DIAPH2: variants seen among roughly 807,000 people sequenced by gnomAD.
DIAPH2 encodes protein diaphanous homolog 2.
A neutral mutation model predicts 92.7 loss-of-function variants in DIAPH2; 35 were observed. The observed-to-expected ratio is 0.38, with a 90% CI of 0.29 to 0.50. The LOEUF is 0.50. Ranked by LOEUF, DIAPH2 falls within the 20% of genes least tolerant of loss-of-function variation. The probability of loss-of-function intolerance (pLI) is 0.94; values close to 1 mark genes in which losing one functional copy is unlikely to be tolerated. For missense variants in DIAPH2, 701 were observed against 819.5 expected, an observed-to-expected ratio of 0.86 and a Z score of 1.77; for synonymous variants, 301 against 280.4, an observed-to-expected ratio of 1.07 and a Z score of -0.73.
chrX:97,205,993 T>C (rs765748297), intron 22 of DIAPH2, among the ~76,000 whole-genome samples: 11 of 111,670 alleles, frequency 9.9e-5, no homozygotes, highest in Admixed American at 2.8e-4. Flanking sequence ...AATGAGATCA[T>C]GTCCTTTGCA....
chrX:96,824,841 C>G (rs1028366979), intron 4 of DIAPH2, among the ~76,000 whole-genome samples: 4 of 111,798 alleles, frequency 3.6e-5, no homozygotes, highest in African/African-American at 1.3e-4. Context: ...CTCTGCTTAG[C>G]TATATCTCTT....
chrX:96,975,114 A>C (rs2065952397), intron 17 of DIAPH2, among the ~76,000 whole-genome samples: 1 of 111,888 alleles, frequency 8.9e-6, no homozygotes, highest in South Asian at 3.7e-4. Flanking sequence ...AATGCATATA[A>C]ATGTCATTTT....
intron 26 of DIAPH2, among the ~76,000 whole-genome samples, chrX:97,514,527 G>A (rs1244637575): frequency 7.1e-5 from 8 of 112,210 alleles, no homozygotes; most frequent in African/African-American, 9.7e-5. Flanking sequence ...GTCATTCTCC[G>A]TCCAGCTTTG....
chrX:97,440,732 A>G (rs2070247973), intron 26 of DIAPH2, among the ~76,000 whole-genome samples: 1 of 111,182 alleles, frequency 9.0e-6, no homozygotes, highest in African/African-American at 3.3e-5. Context: ...ATAACATCAA[A>G]TATAGCAGAG....
chrX:97,328,509 T>A (rs1356789220), intron 23 of DIAPH2, among the ~76,000 whole-genome samples: 1 of 111,742 alleles, frequency 8.9e-6, no homozygotes, highest in Non-Finnish European at 1.9e-5. Flanking sequence ...CATTGCTTTC[T>A]CTGGACCTAG....
At chrX:97,097,503 A>T (rs2066877656) in intron 19 of DIAPH2, among the ~76,000 whole-genome samples, 1 of 112,039 alleles carries the variant, frequency 8.9e-6, no homozygotes, top group Admixed American at 9.5e-5. Flanking sequence ...TGGCGCCTTC[A>T]TTCTGAAAAT....
chrX:96,802,108 T>A (rs1180655108), intron 4 of DIAPH2, among the ~76,000 whole-genome samples: 4 of 112,294 alleles, frequency 3.6e-5, no homozygotes, highest in Non-Finnish European at 7.5e-5. Context: ...GAGTTTTACA[T>A]AAAATAAATC....
At chrX:97,210,790 A>G (rs747534968) in intron 22 of DIAPH2, among the ~76,000 whole-genome samples, 9 of 111,967 alleles carry the variant, frequency 8.0e-5, no homozygotes, top group Non-Finnish European at 1.7e-4. Context: ...GTTGCAATCT[A>G]GAGCTTCTGT....
intron 3 of DIAPH2, among the ~76,000 whole-genome samples, chrX:96,741,480 T>C (rs2147574341): frequency 9.6e-6 from 1 of 104,015 alleles, no homozygotes; most frequent in South Asian, 4.6e-4. Flanking sequence ...CTTAATTTTT[T>C]TTTTTTTTTT....
chrX:96,823,152 G>A (rs1361157697), intron 4 of DIAPH2, among the ~76,000 whole-genome samples: 1 of 111,549 alleles, frequency 9.0e-6, no homozygotes, highest in African/African-American at 3.2e-5. Flanking sequence ...TTGGTTTGTA[G>A]AATAGTACAA....
intron 26 of DIAPH2, among the ~76,000 whole-genome samples, chrX:97,462,036 C>T (rs886330597): frequency 1.6e-4 from 18 of 110,999 alleles, no homozygotes; most frequent in African/African-American, 5.9e-4. Flanking sequence ...TGTTTATGTG[C>T]GTAATGAAAA....
At chrX:96,723,359 T>C (rs1357338675) in intron 1 of DIAPH2, among the ~76,000 whole-genome samples, 1 of 112,042 alleles carries the variant, frequency 8.9e-6, no homozygotes, top group African/African-American at 3.2e-5. Context: ...AATCATGTCT[T>C]CTGTGGTTAC....
intron 26 of DIAPH2, among the ~76,000 whole-genome samples, chrX:97,474,940 C>T (rs1053349898): frequency 3.6e-5 from 4 of 110,350 alleles, no homozygotes; most frequent in African/African-American, 9.9e-5. Flanking sequence ...ATGAAGTCTC[C>T]GCATCCCCCA....
At chrX:97,116,486 TA>T (rs1247197541) in intron 21 of DIAPH2, among the ~76,000 whole-genome samples, 1 of 111,843 alleles carries the variant, frequency 8.9e-6, no homozygotes, top group African/African-American at 3.2e-5. Context: ...ATGCCAGATT[TA>T]TAGGATGAAA....
At chrX:96,847,852 A>G (rs2064981882) in intron 4 of DIAPH2, among the ~76,000 whole-genome samples, 1 of 110,518 alleles carries the variant, frequency 9.0e-6, no homozygotes, top group African/African-American at 3.3e-5. Context: ...CTCTTTAGAA[A>G]TGATGTTGAA....
At position 97,471,661 on chromosome X, in the gene DIAPH2, G is replaced by C. The variant is rs988318346; in HGVS notation, c.3241+41916G>C. Among the ~76,000 whole-genome samples the C allele has an allele frequency of 1.3e-3, 105 of 80,209 alleles. 1 individual carries two copies. The highest frequency in any genetic ancestry group is 1.5e-3 in the Non-Finnish European group (67 of 45,782). 69.7% of individuals were successfully genotyped at this position (80,209 alleles called of 115,157 possible). A position where few individuals can be genotyped will look rare whatever the true frequency, so the allele number is the denominator to read the frequency against. On this transcript the variant is annotated intron_variant, in intron 26 of 26. Transcript: ENST00000324765. Reference sequence around the variant, plus strand: ...GCCAAGATCGCGCCATTGCACTCCAGACTGGGCAACGAGAGTGAAAATCCG... The same window carrying C: ...GCCAAGATCGCGCCATTGCACTCCACACTGGGCAACGAGAGTGAAAATCCG...
intron 3 of DIAPH2, among the ~76,000 whole-genome samples, chrX:96,753,243 T>A (rs1412232426): frequency 8.9e-6 from 1 of 112,036 alleles, no homozygotes; most frequent in East Asian, 2.8e-4. Flanking sequence ...AGAATTTTTT[T>A]AGGCAATAGA....
chrX:97,192,521 C>T (rs1166171471), intron 22 of DIAPH2, among the ~76,000 whole-genome samples: 1 of 110,744 alleles, frequency 9.0e-6, no homozygotes, highest in Non-Finnish European at 1.9e-5. Context: ...AAACACTGTT[C>T]TGTGAACCAG....
intron 25 of DIAPH2, among the ~76,000 whole-genome samples, chrX:97,400,560 AT>A (rs199535449): frequency 9.0e-6 from 1 of 111,260 alleles, no homozygotes; most frequent in East Asian, 2.8e-4. Flanking sequence ...TCTCTGAGCA[AT>A]TTTTTAGGGT....
Sources: gnomAD v4.1 joint callset for allele counts (sites outside exome capture counted in the v4.1 genomes callset) on GRCh38, gnomAD v4.1.1 for gene constraint, MANE v1.5 for transcripts, NCBI Gene and HGNC (gene_info 2026-07-23, HGNC 2026-07-21) for gene names.